The following SINHCAF variants were observed in gnomAD, a reference collection of about 807,000 sequenced individuals.
SINHCAF encodes the protein SIN3-HDAC complex associated factor.
Under a neutral mutation model 25.8 loss-of-function variants are expected in SINHCAF, and 3 were observed. The ratio of observed to expected loss-of-function variants is 0.12; its 90% CI spans 0.05 to 0.30. SINHCAF has a LOEUF of 0.30. Ranked by LOEUF, SINHCAF falls within the 10% of genes least tolerant of loss-of-function variation. The probability of loss-of-function intolerance (pLI) is 1.00; values close to 1 mark genes in which losing one functional copy is unlikely to be tolerated. For synonymous variants in SINHCAF, 70 were observed against 85.5 expected, an observed-to-expected ratio of 0.82 and a Z score of 1.00; for missense variants, 121 against 262.3, an observed-to-expected ratio of 0.46 and a Z score of 3.72.
intron 1 of SINHCAF, among the ~76,000 whole-genome samples, chr12:31,317,143 G>C (rs978605994): frequency 2.6e-5 from 4 of 152,102 alleles, no homozygotes; most frequent in Non-Finnish European, 4.4e-5. Context: ...GAAGAAAATT[G>C]AGAGCAATAG....
chr12:31,314,510 A>G (rs1479701530), intron 1 of SINHCAF, among the ~76,000 whole-genome samples: 1 of 151,866 alleles, frequency 6.6e-6, no homozygotes, highest in Non-Finnish European at 1.5e-5. Context: ...TGGGCAACAG[A>G]GCGAGACTCC....
At chr12:31,323,658 C>T (rs1204395777) in intron 1 of SINHCAF, among the ~76,000 whole-genome samples, 3 of 152,120 alleles carry the variant, frequency 2.0e-5, no homozygotes, top group African/African-American at 7.2e-5. Flanking sequence ...AAACCAACTC[C>T]CCCTACACCA....
At position 31,282,479 on chromosome 12, in the gene SINHCAF, G is replaced by A. The variant is rs753002919; in HGVS notation, c.*233C>T. ...CTCTACTAAAACTAAAAAATTAGCC[G>A]GGTCTGGTGGCGGGCACCTATAAAC... On this transcript the variant is annotated 3_prime_UTR_variant, in exon 6 of 6. Transcript: ENST00000337682. The A allele has an allele frequency of 1.2e-4, 42 of 340,564 alleles. No individual in the cohort carries two copies. The highest frequency in any genetic ancestry group is 9.9e-5 in the South Asian group (1 of 10,114). 21.1% of individuals were successfully genotyped at this position (340,564 alleles called of 1,614,324 possible).
chr12:31,286,548 C>T (rs1355722339), intron 5 of SINHCAF, among the ~76,000 whole-genome samples: 2 of 151,750 alleles, frequency 1.3e-5, no homozygotes, highest in African/African-American at 4.8e-5. Flanking sequence ...CCTGTAATCC[C>T]AGCTACTCGG....
chr12:31,323,236 A>AT, intron 1 of SINHCAF, among the ~76,000 whole-genome samples: 1 of 152,318 alleles, frequency 6.6e-6, no homozygotes, highest in Non-Finnish European at 1.5e-5. Flanking sequence ...TTTAAATGCC[A>AT]TGAGGGTTTT....
At chr12:31,307,709 C>T (rs749776107) in intron 1 of SINHCAF, among the ~76,000 whole-genome samples, 1 of 152,110 alleles carries the variant, frequency 6.6e-6, no homozygotes, top group African/African-American at 2.4e-5. Context: ...CAACTGAATA[C>T]GGAATGAAGG....
chr12:31,296,024 ATTTT>A lies in SINHCAF; in HGVS notation c.129-695_129-692del, dbSNP rs200012658. ...AAGGAGACCCCATCTCTACTTTAAA[ATTTT>A]TTTTTTTAATTTAATTTAAAAAAAT... On this transcript the variant is annotated intron_variant, in intron 2 of 5. Transcript: ENST00000337682. 6.0e-5 allele frequency among the ~76,000 whole-genome samples: 9 copies of A among 150,072 alleles called. No individual in the cohort carries two copies. The South Asian group carries it at 1.3e-3, about 21-fold the overall frequency.
Position 31,325,580 on chromosome 12 carries a change from C to A in SINHCAF, c.-21+444G>T. 5.1e-6 allele frequency: 1 copy of A among 196,864 alleles called. No individual in the cohort carries two copies. Among genetic ancestry groups the A allele is most frequent in the Non-Finnish European group, 1.1e-5 (1 of 92,820 alleles). 12.2% of individuals were successfully genotyped at this position (196,864 alleles called of 1,614,324 possible). A position where few individuals can be genotyped will look rare whatever the true frequency, so the allele number is the denominator to read the frequency against. On this transcript the variant is annotated intron_variant, in intron 1 of 5. Transcript: ENST00000337682. This position sits in a 1 kb window ranked among gnomAD's most constrained non-coding sequence, Gnocchi z 5.9. The stretch of plus-strand genomic sequence containing the variant: ...GCCCGACCCTGCCCGCGCCTCGCGC[C>A]CACGCGGACGCACCGACCCCGGCCG...
rs1286009382 is a variant in SINHCAF at position 31,280,650 on chromosome 12, C to T, written c.*2062G>A. ...AAAAGTTTTGATTATAAGTATCCAA[C>T]AGTATAAAAAGTACAAAACAGATCT... On this transcript the variant is annotated 3_prime_UTR_variant, in exon 6 of 6. Transcript: ENST00000337682. The T allele has an allele frequency of 6.6e-6, 1 of 152,440 alleles. No individual in the cohort carries two copies. The highest frequency in any genetic ancestry group is 2.4e-5 in the African/African-American group (1 of 41,374). The allele number at this position is 152,440 out of a possible 1,614,324, so 9.4% of individuals were successfully genotyped here.
At chr12:31,315,924 G>A (rs532011260) in intron 1 of SINHCAF, among the ~76,000 whole-genome samples, 29 of 152,264 alleles carry the variant, frequency 1.9e-4, no homozygotes, top group African/African-American at 6.5e-4. Context: ...CCAGCACTTT[G>A]GGATGCCAAG....
In SINHCAF at chr12:31,298,158, C is replaced by T; in HGVS notation, c.47G>A (p.Cys16Tyr). 1 of 1,614,186 alleles carries T rather than the reference C, an allele frequency of 6.2e-7. No individual in the cohort carries two copies. Among genetic ancestry groups the T allele is most frequent in the Non-Finnish European group, 8.5e-7 (1 of 1,180,004 alleles). Residue 16 changes from cysteine to tyrosine, a missense_variant, in exon 2 of 6, where the codon TGC (cysteine) becomes TAC (tyrosine). By Grantham distance (194) the Cys-to-Tyr change is radical. Coordinates refer to ENST00000337682, the MANE Select transcript of SINHCAF (RefSeq NM_001135812.2). ...KPKMYRSIEG[C>Y]CICRAKSSSS... Reference sequence around the variant, plus strand: ...GGAGGACTTAGCTCTGCAAATACAGCAGCCCTCTATACTTCGGTACATCTT... The same window carrying T: ...GGAGGACTTAGCTCTGCAAATACAGTAGCCCTCTATACTTCGGTACATCTT...
At chr12:31,300,046 G>A (rs1436522546) in intron 1 of SINHCAF, among the ~76,000 whole-genome samples, 1 of 152,170 alleles carries the variant, frequency 6.6e-6, no homozygotes, top group East Asian at 1.9e-4. Context: ...AAACGTCCTT[G>A]TGTGACATAT....
chr12:31,306,472 C>T (rs1238770212), intron 1 of SINHCAF, among the ~76,000 whole-genome samples: 2 of 152,132 alleles, frequency 1.3e-5, no homozygotes, highest in African/African-American at 4.8e-5. Context: ...TCATTAGGTC[C>T]ATACCATAGT....
intron 1 of SINHCAF, among the ~76,000 whole-genome samples, chr12:31,305,294 C>T (rs988069672): frequency 6.6e-6 from 1 of 152,138 alleles, no homozygotes; most frequent in Non-Finnish European, 1.5e-5. Flanking sequence ...TGACCAGAAT[C>T]TTCATCTCCC....
intron 1 of SINHCAF, among the ~76,000 whole-genome samples, chr12:31,321,347 C>T (rs1164130238): frequency 6.6e-6 from 1 of 152,124 alleles, no homozygotes; most frequent in Admixed American, 6.6e-5. Context: ...GAAAAGACAA[C>T]CAAGAGTCAA....
At chr12:31,295,194 C>T (rs753472515) in intron 3 of SINHCAF, 40 bp downstream of exon 3, 10 of 1,178,628 alleles carry the variant, frequency 8.5e-6, no homozygotes, top group East Asian at 4.7e-5. Context: ...ACTTTAAATA[C>T]AGTAGAGGTA....
At chr12:31,303,339 T>C in intron 1 of SINHCAF, 1 of 547,354 alleles carries the variant, frequency 1.8e-6, no homozygotes, top group Non-Finnish European at 2.3e-6. Flanking sequence ...GGAAGTCATG[T>C]CCCACGTTGG....
At chr12:31,283,473 C>T (rs148529647) in intron 5 of SINHCAF, among the ~76,000 whole-genome samples, 12 of 151,784 alleles carry the variant, frequency 7.9e-5, no homozygotes, top group Admixed American at 3.3e-4. Flanking sequence ...CGTGGTGGCA[C>T]GTGCCTGTAG....
chr12:31,298,673 A>G (rs1447091297), intron 1 of SINHCAF, among the ~76,000 whole-genome samples: 1 of 152,190 alleles, frequency 6.6e-6, no homozygotes, highest in Non-Finnish European at 1.5e-5. Flanking sequence ...CATGAATACT[A>G]TTTGATACTA....
Sources: allele counts gnomAD v4.1 joint callset (sites outside exome capture counted in the v4.1 genomes callset), GRCh38; gene constraint gnomAD v4.1.1; non-coding constraint Gnocchi (gnomAD v3.1); transcripts MANE v1.5; gene names NCBI Gene and HGNC (gene_info 2026-07-23, HGNC 2026-07-21).